IL2RA: variants seen among roughly 807,000 people sequenced by gnomAD.
IL2RA encodes the protein interleukin 2 receptor subunit alpha, also known as interleukin-2 receptor subunit alpha.
A neutral mutation model predicts 37.8 loss-of-function variants in IL2RA; 24 were observed. The observed-to-expected ratio is 0.63, with a 90% CI of 0.46 to 0.89. IL2RA has a LOEUF of 0.89. Among genes scored for constraint, IL2RA ranks in the 40% least tolerant of loss-of-function variants. The pLI is 0.00. For synonymous variants in IL2RA, 125 were observed against 114.6 expected, an observed-to-expected ratio of 1.09 and a Z score of -0.58; for missense variants, 319 against 348.6, an observed-to-expected ratio of 0.92 and a Z score of 0.68.
In IL2RA at chr10:6,021,405, G is replaced by T; in HGVS notation, c.583+73C>A. On this transcript the variant is annotated intron_variant, in intron 4 of 7. Transcript: ENST00000379959. The surrounding 1 kb of genome is among the most constrained non-coding windows in gnomAD (Gnocchi z 4.9). ...AGGACCACTCTTGTCCAGCAGGAGT[G>T]GTCAGGGATTCCACTCTGGTCAGCC... The T allele has an allele frequency of 2.5e-6, 3 of 1,203,108 alleles. No homozygotes were observed. Among genetic ancestry groups the T allele is most frequent in the Non-Finnish European group, 3.7e-6 (3 of 807,378 alleles). The allele number at this position is 1,203,108 out of a possible 1,614,324, so 74.5% of individuals were successfully genotyped here. A position where few individuals can be genotyped will look rare whatever the true frequency, so the allele number is the denominator to read the frequency against.
chr10:6,057,141 C>G lies in IL2RA; in HGVS notation c.64+4947G>C, dbSNP rs1840058420. 6.6e-6 allele frequency among the ~76,000 whole-genome samples: 1 copy of G among 152,202 alleles called. No homozygotes were observed. Among genetic ancestry groups the G allele is most frequent in the Non-Finnish European group, 1.5e-5 (1 of 68,040 alleles). Reference sequence around the variant, plus strand: ...CTCCTCCTCACCAACTTATGACTCTCTTAAGGATCAGGACTATGTCGCTCA... The same window carrying G: ...CTCCTCCTCACCAACTTATGACTCTGTTAAGGATCAGGACTATGTCGCTCA... On this transcript the variant is annotated intron_variant, in intron 1 of 7. Transcript: ENST00000379959. The surrounding 1 kb of genome is among the most constrained non-coding windows in gnomAD (Gnocchi z 4.8).
rs530493816 is a variant in IL2RA at position 6,045,933 on chromosome 10, G to C, written c.64+16155C>G. Reference sequence around the variant, plus strand: ...AAATGATGGCAACCTCCAAAGTCATGATGCTAAGAGTTTCTCCTGGGAACC... The same window carrying C: ...AAATGATGGCAACCTCCAAAGTCATCATGCTAAGAGTTTCTCCTGGGAACC... On this transcript the variant is annotated intron_variant, in intron 1 of 7. Coordinates refer to ENST00000379959, the MANE Select transcript of IL2RA (RefSeq NM_000417.3). 4.6e-5 allele frequency among the ~76,000 whole-genome samples: 7 copies of C among 152,322 alleles called. No homozygotes were observed. In the South Asian group the frequency reaches 1.2e-3, roughly 27 times the overall value.
chr10:6,062,205 G>C lies in IL2RA; in HGVS notation c.-54C>G. On this transcript the variant is annotated 5_prime_UTR_variant, in exon 1 of 8. Transcript: ENST00000379959. Reference sequence around the variant, plus strand: ...AGTGAAGCGGAGGTCTTTCTCTGCAGAAGGCCCAGTTGCCGTCAGCCTCTT... The same window carrying C: ...AGTGAAGCGGAGGTCTTTCTCTGCACAAGGCCCAGTTGCCGTCAGCCTCTT... 1 of 1,487,348 alleles carries C rather than the reference G, an allele frequency of 6.7e-7. No homozygotes were observed. Among genetic ancestry groups the C allele is most frequent in the Admixed American group, 1.7e-5 (1 of 59,790 alleles). The allele number at this position is 1,487,348 out of a possible 1,614,324, so 92.1% of individuals were successfully genotyped here. A position where few individuals can be genotyped will look rare whatever the true frequency, so the allele number is the denominator to read the frequency against.
intron 7 of IL2RA, among the ~76,000 whole-genome samples, chr10:6,016,873 T>G (rs1839288520): frequency 6.6e-6 from 1 of 152,184 alleles, no homozygotes; most frequent in African/African-American, 2.4e-5. Flanking sequence ...ACTCCTGGGC[T>G]ATCTTTTAAC....
In IL2RA at chr10:6,057,770, C is replaced by T. The variant is rs557375262; in HGVS notation, c.64+4318G>A. 2.4e-4 allele frequency among the ~76,000 whole-genome samples: 37 copies of T among 152,276 alleles called. No homozygotes were observed. The South Asian group carries it at 7.0e-3, about 29-fold the overall frequency. On this transcript the variant is annotated intron_variant, in intron 1 of 7. Transcript: ENST00000379959. This position sits in a 1 kb window ranked among gnomAD's most constrained non-coding sequence, Gnocchi z 4.8. Reference sequence around the variant, plus strand: ...CAGGGAAGGGTGGGAACAGCTGCCACGTTGAGGGACTGCCTGCCTTGATGA... The same window carrying T: ...CAGGGAAGGGTGGGAACAGCTGCCATGTTGAGGGACTGCCTGCCTTGATGA...
At position 6,029,069 on chromosome 10, in the gene IL2RA, C is replaced by T. The variant is rs1177940986; in HGVS notation, c.65-3044G>A. Among the ~76,000 whole-genome samples the T allele has an allele frequency of 2.6e-5, 4 of 151,410 alleles. No individual in the cohort carries two copies. Among genetic ancestry groups the T allele is most frequent in the Non-Finnish European group, 5.9e-5 (4 of 67,924 alleles). ...AAGGAATTTAAAACAGTTGTAATTA[C>T]ACTCAATGACTTAAAGCAGAGGTCA... is the stretch of plus-strand genomic sequence containing the variant. On this transcript the variant is annotated intron_variant, in intron 1 of 7. Coordinates refer to ENST00000379959, the MANE Select transcript of IL2RA (RefSeq NM_000417.3). The surrounding 1 kb of genome is among the most constrained non-coding windows in gnomAD (Gnocchi z 4.6).
rs573680134 is a variant in IL2RA, at chr10:6,035,431, C to T, written c.65-9406G>A. ...ACGGAGCTGCTCTTGCACACGGTTT[C>T]GTGGGCTGGATTTTCTCTGTTGCAC... On this transcript the variant is annotated intron_variant, in intron 1 of 7. Transcript: ENST00000379959. This position sits in a 1 kb window ranked among gnomAD's most constrained non-coding sequence, Gnocchi z 5.4. Among the ~76,000 whole-genome samples, 173 of 152,322 alleles carry T rather than the reference C, an allele frequency of 1.1e-3. 1 individual carries two copies. The highest frequency in any genetic ancestry group is 3.8e-3 in the African/African-American group (158 of 41,568).
chr10:6,047,467 G>C lies in IL2RA; in HGVS notation c.64+14621C>G, dbSNP rs41294723. On this transcript the variant is annotated intron_variant, in intron 1 of 7. Coordinates refer to ENST00000379959, the MANE Select transcript of IL2RA (RefSeq NM_000417.3). This position sits in a 1 kb window ranked among gnomAD's most constrained non-coding sequence, Gnocchi z 5.0. ...CCTGTAGCATGCACCCTGTGCCTCCGGGCCACCAAAAACAGCAATCACGTC... is the reference window on the plus strand; with the variant it reads ...CCTGTAGCATGCACCCTGTGCCTCCCGGCCACCAAAAACAGCAATCACGTC... Among the ~76,000 whole-genome samples the C allele has an allele frequency of 1.3e-5, 2 of 152,226 alleles. No individual in the cohort carries two copies. Among genetic ancestry groups the C allele is most frequent in the East Asian group, 3.9e-4 (2 of 5,188 alleles).
At position 6,015,857 on chromosome 10, in the gene IL2RA, A is replaced by G. The variant is rs1839266945; in HGVS notation, c.794+2196T>C. On this transcript the variant is annotated intron_variant, in intron 7 of 7. Transcript: ENST00000379959. The surrounding 1 kb of genome is among the most constrained non-coding windows in gnomAD (Gnocchi z 4.9). ...ACGACTATCCCAGACATAAAAGGCC[A>G]CGTGATTCCATTTACACGAAATGTC... Among the ~76,000 whole-genome samples, 1 of 152,168 alleles carries G rather than the reference A, an allele frequency of 6.6e-6. No homozygotes were observed. The highest frequency in any genetic ancestry group is 1.5e-5 in the Non-Finnish European group (1 of 68,036).
intron 3 of IL2RA, among the ~76,000 whole-genome samples, chr10:6,023,924 A>G (rs779251620): frequency 6.6e-6 from 1 of 152,246 alleles, no homozygotes; most frequent in Non-Finnish European, 1.5e-5. Flanking sequence ...GTCTTCTATC[A>G]GCAGGGCCTG....
intron 1 of IL2RA, among the ~76,000 whole-genome samples, chr10:6,030,090 A>T (rs865896016): frequency 2.0e-5 from 3 of 152,232 alleles, no homozygotes; most frequent in Non-Finnish European, 4.4e-5. Context: ...ATCAATAGAA[A>T]TTATCCAAAC....
In IL2RA at chr10:6,029,396, C is replaced by T. The variant is rs893049221; in HGVS notation, c.65-3371G>A. 1.2e-4 allele frequency among the ~76,000 whole-genome samples: 19 copies of T among 152,082 alleles called. No individual in the cohort carries two copies. Among genetic ancestry groups the T allele is most frequent in the African/African-American group, 4.3e-4 (18 of 41,392 alleles). On this transcript the variant is annotated intron_variant, in intron 1 of 7. Coordinates refer to ENST00000379959, the MANE Select transcript of IL2RA (RefSeq NM_000417.3). This position sits in a 1 kb window ranked among gnomAD's most constrained non-coding sequence, Gnocchi z 4.6. ...GCCAGGCTGGTCTCGAACTCCTGAC[C>T]TCAGGTGATCCACCTGCCTCGGCCT...
chr10:6,021,204 T>C lies in IL2RA; in HGVS notation c.583+274A>G, dbSNP rs1839380608. 6.6e-6 allele frequency among the ~76,000 whole-genome samples: 1 copy of C among 151,970 alleles called. No homozygotes were observed. Among genetic ancestry groups the C allele is most frequent in the African/African-American group, 2.4e-5 (1 of 41,340 alleles). On this transcript the variant is annotated intron_variant, in intron 4 of 7. Coordinates refer to ENST00000379959, the MANE Select transcript of IL2RA (RefSeq NM_000417.3). This position sits in a 1 kb window ranked among gnomAD's most constrained non-coding sequence, Gnocchi z 4.9. ...ACCAACTACGAGGCAGCATCTAGGG[T>C]GCTTAGGAGAGGGCTTTCCTTCTCT...
rs181748834 is a variant in IL2RA at position 6,044,215 on chromosome 10, G to A, written c.64+17873C>T. Among the ~76,000 whole-genome samples, 6 of 152,238 alleles carry A rather than the reference G, an allele frequency of 3.9e-5. No homozygotes were observed. The highest frequency in any genetic ancestry group is 9.6e-5 in the African/African-American group (4 of 41,466). ...CGAGCCCCGAGGTGGGGCTTAGCCC[G>A]CAAGGGTTCTTGGCTTTGCCCAGGA... is the stretch of plus-strand genomic sequence containing the variant. On this transcript the variant is annotated intron_variant, in intron 1 of 7. Coordinates refer to ENST00000379959, the MANE Select transcript of IL2RA (RefSeq NM_000417.3). The surrounding 1 kb of genome is among the most constrained non-coding windows in gnomAD (Gnocchi z 4.5).
chr10:6,058,822 A>G lies in IL2RA; in HGVS notation c.64+3266T>C, dbSNP rs1840085294. The stretch of plus-strand genomic sequence containing the variant: ...TTCAATAACGTGCCATATTGGTAAT[A>G]CCAGGAGAATTCTCTTTCTGACCAC... On this transcript the variant is annotated intron_variant, in intron 1 of 7. Transcript: ENST00000379959. The surrounding 1 kb of genome is among the most constrained non-coding windows in gnomAD (Gnocchi z 4.2). Among the ~76,000 whole-genome samples the G allele has an allele frequency of 6.6e-6, 1 of 152,228 alleles. No homozygotes were observed. The highest frequency in any genetic ancestry group is 2.1e-4 in the South Asian group (1 of 4,834).
At chr10:6,061,175 G>A (rs550905125) in intron 1 of IL2RA, among the ~76,000 whole-genome samples, 31 of 152,144 alleles carry the variant, frequency 2.0e-4, no homozygotes, top group African/African-American at 7.0e-4. Flanking sequence ...GATCACTTGA[G>A]CCCAGGAGTT....
rs1488230362 is a variant in IL2RA, at chr10:6,029,371, G to T, written c.65-3346C>A. Among the ~76,000 whole-genome samples, 1 of 151,962 alleles carries T rather than the reference G, an allele frequency of 6.6e-6. No individual in the cohort carries two copies. Among genetic ancestry groups the T allele is most frequent in the African/African-American group, 2.4e-5 (1 of 41,356 alleles). On this transcript the variant is annotated intron_variant, in intron 1 of 7. Transcript: ENST00000379959. The surrounding 1 kb of genome is among the most constrained non-coding windows in gnomAD (Gnocchi z 4.6). ...GTAGAGATGAGGTTTCACCACGTTT[G>T]CCAGGCTGGTCTCGAACTCCTGACC... is the stretch of plus-strand genomic sequence containing the variant.
chr10:6,012,048 G>A lies in IL2RA; in HGVS notation c.*824C>T, dbSNP rs1352602578. 6.6e-6 allele frequency: 1 copy of A among 152,382 alleles called. No individual in the cohort carries two copies. Among genetic ancestry groups the A allele is most frequent in the African/African-American group, 2.4e-5 (1 of 41,456 alleles). The allele number at this position is 152,382 out of a possible 1,614,324, so 9.4% of individuals were successfully genotyped here. A position where few individuals can be genotyped will look rare whatever the true frequency, so the allele number is the denominator to read the frequency against. On this transcript the variant is annotated 3_prime_UTR_variant, in exon 8 of 8. Coordinates refer to ENST00000379959, the MANE Select transcript of IL2RA (RefSeq NM_000417.3). This position sits in a 1 kb window ranked among gnomAD's most constrained non-coding sequence, Gnocchi z 4.8. Reference sequence around the variant, plus strand: ...ATCAAATTAGTGCAGGCCAAATTCAGGGTATCATTCATAGCAATCCCAAAG... The same window carrying A: ...ATCAAATTAGTGCAGGCCAAATTCAAGGTATCATTCATAGCAATCCCAAAG...
intron 1 of IL2RA, among the ~76,000 whole-genome samples, chr10:6,031,014 G>A (rs1839566356): frequency 1.3e-5 from 2 of 151,884 alleles, no homozygotes; most frequent in Admixed American, 1.3e-4. Context: ...AAATTTGTTT[G>A]GTTAGCCAAA....
Sources: gnomAD v4.1 joint callset for allele counts (sites outside exome capture counted in the v4.1 genomes callset) on GRCh38, gnomAD v4.1.1 for gene constraint, Gnocchi (gnomAD v3.1) non-coding constraint, MANE v1.5 for transcripts, NCBI Gene and HGNC (gene_info 2026-07-23, HGNC 2026-07-21) for gene names.